PPFIBP1: variants seen among roughly 807,000 people sequenced by gnomAD.
PPFIBP1 encodes liprin-beta-1.
In PPFIBP1, 112 loss-of-function variants were observed where a neutral mutation model predicts 137.8. The ratio of observed to expected loss-of-function variants is 0.81; its 90% CI spans 0.70 to 0.95. The LOEUF (loss-of-function observed/expected upper bound fraction) is 0.95. Among genes scored for constraint, PPFIBP1 ranks in the 40% least tolerant of loss-of-function variants. The probability of loss-of-function intolerance (pLI) is 0.00; values close to 1 mark genes in which losing one functional copy is unlikely to be tolerated. For synonymous variants in PPFIBP1, 378 were observed against 417.3 expected (o/e 0.91, Z 1.15); for missense variants, 1,083 against 1,196.6 (o/e 0.91, Z 1.40).
chr12:27,525,545 T>C (rs945471345), intron 1 of PPFIBP1, among the ~76,000 whole-genome samples: 1 of 148,050 alleles, frequency 6.8e-6, no homozygotes, highest in Non-Finnish European at 1.5e-5. Flanking sequence ...AAGTAAGCGC[T>C]GAGACTCCTG....
At position 27,667,170 on chromosome 12, in the gene PPFIBP1, A is replaced by C; in HGVS notation, c.996A>C (p.Lys332Asn). The C allele has an allele frequency of 1.3e-6, 2 of 1,570,096 alleles. No individual in the cohort carries two copies. The highest frequency in any genetic ancestry group is 1.9e-5 in the Admixed American group (1 of 51,884). Reference protein sequence around the residue: ...TVVLAQGKKGKDGEYEELLNS... With the variant: ...TVVLAQGKKGNDGEYEELLNS... ...CTTTGTTTTATCTTTTCCTAGGCAA[A>C]GATGGAGAATATGAAGAGCTGCTCA... Residue 332 changes from lysine to asparagine, a missense_variant, in exon 13 of 30, where the codon AAA (lysine) becomes AAC (asparagine). Coordinates refer to ENST00000228425, the MANE Select transcript of PPFIBP1 (RefSeq NM_003622.4).
chr12:27,689,570 G>C (rs755301932), intron 27 of PPFIBP1, among the ~76,000 whole-genome samples: 5 of 152,132 alleles, frequency 3.3e-5, no homozygotes, highest in African/African-American at 1.2e-4. Context: ...AAGAGAATGA[G>C]CCCAAGAGTT....
intron 1 of PPFIBP1, among the ~76,000 whole-genome samples, chr12:27,554,511 G>A (rs1947085103): frequency 1.3e-5 from 2 of 152,204 alleles, no homozygotes; most frequent in African/African-American, 4.8e-5. Context: ...CAATGGTAAA[G>A]TGAAGTTGAT....
intron 1 of PPFIBP1, among the ~76,000 whole-genome samples, chr12:27,572,222 T>C (rs1026110119): frequency 1.3e-5 from 2 of 152,236 alleles, no homozygotes; most frequent in Non-Finnish European, 2.9e-5. Flanking sequence ...AATAAAGTTT[T>C]AAAGTATTTG....
intron 2 of PPFIBP1, among the ~76,000 whole-genome samples, chr12:27,585,721 A>T (rs568133937): frequency 1.3e-5 from 2 of 152,354 alleles, no homozygotes; most frequent in Admixed American, 6.5e-5. Context: ...GGTTAATTCC[A>T]ACCTGCTCTG....
intron 1 of PPFIBP1, among the ~76,000 whole-genome samples, chr12:27,561,179 A>C (rs716367): frequency 0.32 from 47,948 of 151,986 alleles, 8,055 homozygotes; most frequent in Middle Eastern, 0.47. Flanking sequence ...TGGAAGGGGA[A>C]GGGGTTTCTA....
intron 1 of PPFIBP1, among the ~76,000 whole-genome samples, chr12:27,550,237 G>A (rs1014861425): frequency 6.6e-5 from 10 of 152,296 alleles, no homozygotes; most frequent in Middle Eastern, 6.8e-3. Context: ...GCTCCGGGTG[G>A]GGTGTTTGAA....
intron 2 of PPFIBP1, among the ~76,000 whole-genome samples, chr12:27,605,984 C>T (rs1465727682): frequency 1.3e-5 from 2 of 152,078 alleles, no homozygotes; most frequent in African/African-American, 4.8e-5. Flanking sequence ...TCATAGACTT[C>T]ATGGGGGTGT....
Position 27,676,479 on chromosome 12 carries a change from C to T in PPFIBP1, c.1462C>T (p.Pro488Ser), listed in dbSNP as rs1460281883. Reference sequence around the variant, plus strand: ...ATTTGGGACCCTTCCTCCCAGGCCCCCAGGGCAGGACACCTCCATGGATGA... The same window carrying T: ...ATTTGGGACCCTTCCTCCCAGGCCCTCAGGGCAGGACACCTCCATGGATGA... ...RPFGTLPPRP[P>S]GQDTSMDDNP... The change falls in exon 18 of 30, where the codon CCA becomes TCA. Residue 488 changes from proline (P) to serine (S), a missense_variant. By Grantham distance (74) the Pro-to-Ser change is moderately conservative. Coordinates refer to ENST00000228425, the MANE Select transcript of PPFIBP1 (RefSeq NM_003622.4). 3.1e-6 allele frequency: 5 copies of T among 1,595,924 alleles called. No individual in the cohort carries two copies. Among genetic ancestry groups the T allele is most frequent in the Non-Finnish European group, 3.4e-6 (4 of 1,170,232 alleles).
intron 1 of PPFIBP1, among the ~76,000 whole-genome samples, chr12:27,562,480 T>G (rs1242442141): frequency 6.6e-6 from 1 of 152,248 alleles, no homozygotes; most frequent in African/African-American, 2.4e-5. Context: ...GAGATTTAAT[T>G]GGAGCTACAT....
At chr12:27,651,042 T>C (rs919944240) in intron 7 of PPFIBP1, among the ~76,000 whole-genome samples, 9 of 152,200 alleles carry the variant, frequency 5.9e-5, no homozygotes, top group African/African-American at 2.2e-4. Flanking sequence ...TTCCCTTCTG[T>C]TTTTATTTCA....
chr12:27,535,860 A>G (rs1944940817), intron 1 of PPFIBP1, among the ~76,000 whole-genome samples: 1 of 152,218 alleles, frequency 6.6e-6, no homozygotes, highest in Non-Finnish European at 1.5e-5. Context: ...ACTGACACCT[A>G]CCTACCTTTG....
chr12:27,550,546 G>A (rs899069), intron 1 of PPFIBP1, among the ~76,000 whole-genome samples: 52,672 of 151,902 alleles, frequency 0.35, 9,586 homozygotes, highest in African/African-American at 0.44. Context: ...TATGTTATTC[G>A]TGCTTTATGA....
At chr12:27,669,329 A>G (rs1191130674) in intron 13 of PPFIBP1, among the ~76,000 whole-genome samples, 1 of 152,224 alleles carries the variant, frequency 6.6e-6, no homozygotes, top group Non-Finnish European at 1.5e-5. Flanking sequence ...TTAGATATAT[A>G]TTTATATCGA....
chr12:27,683,105 C>A (rs1471545655), intron 24 of PPFIBP1, among the ~76,000 whole-genome samples: 3 of 152,084 alleles, frequency 2.0e-5, no homozygotes, highest in Non-Finnish European at 4.4e-5. Context: ...GCTCTGTCAC[C>A]CAGGCTGGAG....
At chr12:27,635,500 A>T (rs767865027) in intron 4 of PPFIBP1, 3 of 278,668 alleles carry the variant, frequency 1.1e-5, no homozygotes, top group African/African-American at 2.2e-5. Flanking sequence ...AATGGAAAGC[A>T]TGATGAAAGA....
chr12:27,652,729 T>C (rs577049724), intron 7 of PPFIBP1, among the ~76,000 whole-genome samples: 1 of 152,158 alleles, frequency 6.6e-6, no homozygotes, highest in Non-Finnish European at 1.5e-5. Context: ...AGCTGTAAAA[T>C]ACAATAGCAG....
chr12:27,658,688 G>A lies in PPFIBP1; in HGVS notation c.812-128G>A, dbSNP rs1593190525. On this transcript the variant is annotated intron_variant, in intron 9 of 29. Transcript: ENST00000228425. ...AATCCTGCAGTCACAAAATAGTGCT[G>A]AAAAAGTTTTTATGAGGTTAGATTT... 12 of 997,494 alleles carry A rather than the reference G, an allele frequency of 1.2e-5. No individual in the cohort carries two copies. The East Asian group carries it at 3.1e-4, about 26-fold the overall frequency. The allele number at this position is 997,494 out of a possible 1,614,324, so 61.8% of individuals were successfully genotyped here.
In PPFIBP1 at chr12:27,679,651, A is replaced by G. The variant is rs747750353; in HGVS notation, c.1766+12A>G. On this transcript the variant is annotated intron_variant, in intron 20 of 29. Coordinates refer to ENST00000228425, the MANE Select transcript of PPFIBP1 (RefSeq NM_003622.4). ...AAACTCTTTGGAAAGTAAGTAAAGC[A>G]GTAAACAAGTGGAATGGGCCCTGTC... 1 of 1,612,782 alleles carries G rather than the reference A, an allele frequency of 6.2e-7. No individual in the cohort carries two copies. Among genetic ancestry groups the G allele is most frequent in the East Asian group, 2.2e-5 (1 of 44,868 alleles).
Sources: allele counts gnomAD v4.1 joint callset (sites outside exome capture counted in the v4.1 genomes callset), GRCh38; gene constraint gnomAD v4.1.1; transcripts MANE v1.5; gene names NCBI Gene and HGNC (gene_info 2026-07-23, HGNC 2026-07-21).